The following SUCLG2 variants were observed in gnomAD, a reference collection of about 807,000 sequenced individuals.
SUCLG2 encodes succinate-CoA ligase GDP-forming subunit beta, also known as succinate--CoA ligase [GDP-forming] subunit beta, mitochondrial.
A neutral mutation model predicts 47.9 loss-of-function variants in SUCLG2; 42 were observed. That is an observed-to-expected ratio of 0.88 (90% CI 0.69 to 1.14). The LOEUF (loss-of-function observed/expected upper bound fraction) is 1.14, where lower values mean the gene tolerates loss of function less well. SUCLG2 is among the 50% of genes most tolerant of loss of function. The pLI, the probability that SUCLG2 is intolerant of heterozygous loss-of-function variation, is 0.00. For missense variants in SUCLG2, 571 were observed against 525.9 expected (o/e 1.09, Z -0.84); for synonymous variants, 195 against 197.3 (o/e 0.99, Z 0.10).
intron 10 of SUCLG2, among the ~76,000 whole-genome samples, chr3:67,391,626 G>A (rs369188646): frequency 3.5e-4 from 54 of 152,214 alleles, no homozygotes; most frequent in African/African-American, 1.2e-3. Flanking sequence ...ACTGTGGGCC[G>A]AGTAGCTTTG....
At chr3:67,605,394 A>G (rs569662441) in intron 2 of SUCLG2, among the ~76,000 whole-genome samples, 45 of 152,254 alleles carry the variant, frequency 3.0e-4, no homozygotes, top group African/African-American at 1.1e-3. Context: ...AACTAATTTC[A>G]CTTTTAACCA....
chr3:67,514,449 G>A (rs527586748), intron 6 of SUCLG2: 20 of 246,106 alleles, frequency 8.1e-5, no homozygotes, highest in Admixed American at 7.8e-4. Flanking sequence ...CAATATTCAC[G>A]TACGCCTCTC....
At chr3:67,571,784 G>A (rs1707618094) in intron 2 of SUCLG2, among the ~76,000 whole-genome samples, 1 of 152,160 alleles carries the variant, frequency 6.6e-6, no homozygotes, top group Non-Finnish European at 1.5e-5. Flanking sequence ...GTTTAGAACA[G>A]ATGTAGGACT....
At chr3:67,402,339 G>A (rs76109889) in intron 9 of SUCLG2, among the ~76,000 whole-genome samples, 8,137 of 140,724 alleles carry the variant, frequency 0.058, 684 homozygotes, top group African/African-American at 0.2. Flanking sequence ...TCAGTAGACT[G>A]CAGCTCATGT....
At chr3:67,393,708 C>T (rs939898181) in intron 10 of SUCLG2, among the ~76,000 whole-genome samples, 2 of 152,224 alleles carry the variant, frequency 1.3e-5, no homozygotes, top group Admixed American at 6.5e-5. Flanking sequence ...TGAGAACGGG[C>T]AGACTGCCTC....
chr3:67,520,804 C>G (rs1229706995), intron 4 of SUCLG2, among the ~76,000 whole-genome samples, 170 bp from the exon 5 acceptor site: 1 of 152,148 alleles, frequency 6.6e-6, no homozygotes, highest in Admixed American at 6.5e-5. Context: ...CACACAATGC[C>G]CATTTTCACC....
chr3:67,436,890 AAC>A lies in SUCLG2; in HGVS notation c.1063-36041_1063-36040del, dbSNP rs1210475101. ...GTTTTTCAAATGTTACCTGTGTTTAAACACCTACATGTACTTTGTCCTTTTTC... is the reference window on the plus strand; with the variant it reads ...GTTTTTCAAATGTTACCTGTGTTTAAACCTACATGTACTTTGTCCTTTTTC... On this transcript the variant is annotated intron_variant, in intron 9 of 10. Transcript: ENST00000307227. Among the ~76,000 whole-genome samples, 3 of 152,132 alleles carry A rather than the reference AAC, an allele frequency of 2.0e-5. No homozygotes were observed. In the East Asian group the frequency reaches 5.8e-4, roughly 29 times the overall value.
chr3:67,593,914 C>A lies in SUCLG2; in HGVS notation c.226+15541G>T, dbSNP rs79116664. ...CAGTTCTTCCCACTAGAGGCCCTGA[C>A]CCCTTGTCTTTGGATTCCAACAATG... On this transcript the variant is annotated intron_variant, in intron 2 of 10. Transcript: ENST00000307227. 1.7e-3 allele frequency among the ~76,000 whole-genome samples: 262 copies of A among 152,332 alleles called. 7 individuals carry two copies. In the East Asian group the frequency reaches 0.044, roughly 26 times the overall value.
At chr3:67,360,511 C>G (rs945272842) in exon 11 of SUCLG2, 4 of 1,102,762 alleles carry the variant, frequency 3.6e-6, no homozygotes, top group African/African-American at 3.2e-5. Flanking sequence ...AAGCCATGCC[C>G]TTCCATTTTC....
intron 9 of SUCLG2, among the ~76,000 whole-genome samples, chr3:67,467,244 C>T (rs1481565764): frequency 6.6e-6 from 1 of 152,174 alleles, no homozygotes; most frequent in Non-Finnish European, 1.5e-5. Flanking sequence ...AAATCTTTTA[C>T]TATACTAGCT....
intron 9 of SUCLG2, among the ~76,000 whole-genome samples, chr3:67,462,594 C>G (rs1704365101): frequency 6.6e-6 from 1 of 152,304 alleles, no homozygotes; most frequent in Admixed American, 6.5e-5. Flanking sequence ...CCTTCCCATA[C>G]CACACCCTAT....
In SUCLG2 at chr3:67,508,902, G is replaced by A. The variant is rs1705713544; in HGVS notation, c.662C>T (p.Ala221Val). ...ATACAGCTTCGTAATTTGATCTGCA[G>A]CCTAAATGTGATCAAGTGAAATAGA... is the stretch of plus-strand genomic sequence containing the variant. ...LGFVGPLKSQ[A>V]ADQITKLYNL... Residue 221 changes from alanine (A) to valine (V), a missense_variant and splice_region_variant, in exon 7 of 11, where the codon GCT becomes GTT. Ala to Val is a moderately conservative substitution (Grantham distance 64). Coordinates refer to ENST00000307227, the MANE Select transcript of SUCLG2 (RefSeq NM_003848.4). 1 of 1,597,880 alleles carries A rather than the reference G, an allele frequency of 6.3e-7. No homozygotes were observed. Among genetic ancestry groups the A allele is most frequent in the African/African-American group, 1.3e-5 (1 of 74,266 alleles).
intron 9 of SUCLG2, among the ~76,000 whole-genome samples, chr3:67,446,714 A>C (rs1703937214): frequency 6.6e-6 from 1 of 151,802 alleles, no homozygotes; most frequent in African/African-American, 2.4e-5. Context: ...TTACAGGCGT[A>C]AGCTATTGCA....
At chr3:67,389,346 G>C (rs913264588) in intron 10 of SUCLG2, among the ~76,000 whole-genome samples, 1 of 152,190 alleles carries the variant, frequency 6.6e-6, no homozygotes, top group Admixed American at 6.5e-5. Flanking sequence ...TGTGGAGAAA[G>C]ATGTATGAAT....
chr3:67,626,017 T>C (rs1700821802), intron 1 of SUCLG2, among the ~76,000 whole-genome samples: 1 of 138,118 alleles, frequency 7.2e-6, no homozygotes, highest in South Asian at 2.2e-4. Context: ...CATATATATA[T>C]ATTTACATTT....
downstream of SUCLG2, among the ~76,000 whole-genome samples, chr3:67,371,376 A>G (rs928698223): frequency 2.0e-5 from 3 of 152,228 alleles, no homozygotes; most frequent in African/African-American, 7.2e-5. Flanking sequence ...CTTCTCCAGA[A>G]GAAGGGTAAA....
chr3:67,371,554 T>G (rs187154164), downstream of SUCLG2, among the ~76,000 whole-genome samples: 16 of 152,302 alleles, frequency 1.1e-4, no homozygotes, highest in East Asian at 2.5e-3. Flanking sequence ...GGCCCTTGCC[T>G]TATGCCTTGT....
chr3:67,654,465 C>T (rs1701349530), intron 1 of SUCLG2, 38 bp downstream of exon 1: 1 of 1,227,552 alleles, frequency 8.1e-7, no homozygotes, highest in Non-Finnish European at 1.0e-6. Context: ...CAGGCCGGCG[C>T]CGCTGCTGGC....
At chr3:67,465,783 G>A (rs1575714651) in intron 9 of SUCLG2, among the ~76,000 whole-genome samples, 1 of 152,058 alleles carries the variant, frequency 6.6e-6, no homozygotes, top group African/African-American at 2.4e-5. Flanking sequence ...GATGGCATCT[G>A]GGACCCTAGC....
Sources: gnomAD v4.1 joint callset for allele counts (sites outside exome capture counted in the v4.1 genomes callset) on GRCh38, gnomAD v4.1.1 for gene constraint, MANE v1.5 for transcripts, NCBI Gene and HGNC (gene_info 2026-07-23, HGNC 2026-07-21) for gene names.